The following PTPRD variants were observed in gnomAD, a reference collection of about 807,000 sequenced individuals.
PTPRD encodes protein tyrosine phosphatase receptor type D.
A neutral mutation model predicts 214.5 loss-of-function variants in PTPRD; 34 were observed. The observed-to-expected ratio is 0.16, with a 90% CI of 0.12 to 0.21. The LOEUF is 0.21. Ranked by LOEUF, PTPRD falls within the 10% of genes least tolerant of loss-of-function variation. The pLI, the probability that PTPRD is intolerant of heterozygous loss-of-function variation, is 1.00. For synonymous variants in PTPRD, 1,128 were observed against 845.7 expected (o/e 1.33, Z -5.79); for missense variants, 2,545 against 2,398.7 (o/e 1.06, Z -1.27).
At chr9:9,802,272 C>T (rs545925681) in intron 5 of PTPRD, among the ~76,000 whole-genome samples, 3 of 151,856 alleles carry the variant, frequency 2.0e-5, no homozygotes, top group African/African-American at 4.8e-5. Flanking sequence ...TGATAGGAAT[C>T]CTGTTGTTTC....
intron 10 of PTPRD, among the ~76,000 whole-genome samples, chr9:9,156,027 A>G (rs1283905249): frequency 1.3e-5 from 2 of 152,098 alleles, no homozygotes; most frequent in Non-Finnish European, 2.9e-5. Flanking sequence ...CCTACAAATC[A>G]ATGAGGGTTA....
chr9:8,537,631 T>A (rs1379358888), intron 14 of PTPRD, among the ~76,000 whole-genome samples: 1 of 151,974 alleles, frequency 6.6e-6, no homozygotes, highest in African/African-American at 2.4e-5. Flanking sequence ...AAATTGGACA[T>A]TGTTAAGCTA....
intron 11 of PTPRD, among the ~76,000 whole-genome samples, chr9:8,986,425 TTG>T (rs2099345443): frequency 6.6e-6 from 1 of 151,888 alleles, no homozygotes. Flanking sequence ...GTATAATTTT[TTG>T]TGTTTTAAAA....
chr9:8,884,825 G>A (rs917550876), intron 11 of PTPRD, among the ~76,000 whole-genome samples: 14 of 152,190 alleles, frequency 9.2e-5, no homozygotes, highest in African/African-American at 2.7e-4. Flanking sequence ...ACAAGTATCT[G>A]TGGAGGGCCC....
intron 3 of PTPRD, among the ~76,000 whole-genome samples, chr9:10,308,262 G>A (rs2096150761): frequency 6.6e-6 from 1 of 151,880 alleles, no homozygotes; most frequent in Admixed American, 6.6e-5. Context: ...ATAGCATCTG[G>A]CTTCATTATT....
chr9:9,464,288 C>G (rs1247669575), intron 8 of PTPRD, among the ~76,000 whole-genome samples: 1 of 152,128 alleles, frequency 6.6e-6, no homozygotes, highest in Non-Finnish European at 1.5e-5. Context: ...TTTTCTCCCT[C>G]TCACCCTCCC....
At chr9:9,365,904 G>T (rs1049016051) in intron 9 of PTPRD, among the ~76,000 whole-genome samples, 1 of 151,432 alleles carries the variant, frequency 6.6e-6, no homozygotes, top group Non-Finnish European at 1.5e-5. Flanking sequence ...TCATTCATTA[G>T]AATTGTGGTA....
chr9:8,654,438 T>G (rs568246747), intron 12 of PTPRD, among the ~76,000 whole-genome samples: 11 of 152,100 alleles, frequency 7.2e-5, no homozygotes, highest in Non-Finnish European at 1.6e-4. Context: ...GTTTATGGAG[T>G]AAACGACGAG....
intron 2 of PTPRD, among the ~76,000 whole-genome samples, chr9:10,593,118 T>C (rs2075875511): frequency 6.6e-6 from 1 of 151,928 alleles, no homozygotes; most frequent in South Asian, 2.1e-4. Context: ...TAGAATATAA[T>C]ACAATGTGGC....
rs139897387 is a variant in PTPRD at position 10,128,884 on chromosome 9, A to C, written c.-544-95094T>G. The stretch of plus-strand genomic sequence containing the variant: ...TATTAATTAATTAAAAATAAAAGCC[A>C]GACTCTTAATATAGTCTTATATATT... On this transcript the variant is annotated intron_variant, in intron 3 of 45. Coordinates refer to ENST00000381196, the MANE Select transcript of PTPRD (RefSeq NM_002839.4). Among the ~76,000 whole-genome samples the C allele has an allele frequency of 2.6e-3, 390 of 152,298 alleles. 2 individuals are homozygous for C. Among genetic ancestry groups the C allele is most frequent in the Non-Finnish European group, 4.4e-3 (302 of 68,016 alleles).
intron 8 of PTPRD, among the ~76,000 whole-genome samples, chr9:9,570,515 G>A (rs2086034705): frequency 6.6e-6 from 1 of 151,442 alleles, no homozygotes; most frequent in African/African-American, 2.4e-5. Flanking sequence ...AATAAATCCT[G>A]AAATATTTAT....
intron 35 of PTPRD, among the ~76,000 whole-genome samples, chr9:8,409,094 A>C (rs904242555): frequency 6.6e-6 from 1 of 152,212 alleles, no homozygotes; most frequent in South Asian, 2.1e-4. Context: ...TCAGAATTAA[A>C]ATATAAATAT....
intron 11 of PTPRD, among the ~76,000 whole-genome samples, chr9:8,782,094 A>G (rs2095730810): frequency 3.0e-5 from 1 of 33,470 alleles, no homozygotes; most frequent in Non-Finnish European, 7.2e-5. Flanking sequence ...TGTTTATGGT[A>G]TAAAACATAC....
chr9:10,314,055 G>C (rs2096350187), intron 3 of PTPRD, among the ~76,000 whole-genome samples: 2 of 151,906 alleles, frequency 1.3e-5, no homozygotes, highest in African/African-American at 2.4e-5. Context: ...GTGAGAGATA[G>C]TTTAAAATAA....
intron 2 of PTPRD, among the ~76,000 whole-genome samples, chr9:10,560,652 T>C (rs563997877): frequency 6.6e-6 from 1 of 152,148 alleles, no homozygotes; most frequent in African/African-American, 2.4e-5. Flanking sequence ...TCTACACACA[T>C]GCAAAACTCA....
rs374386272 is a variant in PTPRD at position 9,762,740 on chromosome 9, T to C, written c.-326+4070A>G. On this transcript the variant is annotated intron_variant, in intron 6 of 45. Coordinates refer to ENST00000381196, the MANE Select transcript of PTPRD (RefSeq NM_002839.4). ...TCTTTCATGCAACTCAGAACTCTTC[T>C]AGCCTTTATTATCAAGATGTGAAGA... Among the ~76,000 whole-genome samples, 441 of 152,346 alleles carry C rather than the reference T, an allele frequency of 2.9e-3. 2 individuals are homozygous for C. Among genetic ancestry groups the C allele is most frequent in the African/African-American group, 0.01 (418 of 41,590 alleles).
chr9:8,624,680 C>A (rs1182370558), intron 14 of PTPRD, among the ~76,000 whole-genome samples: 1 of 151,870 alleles, frequency 6.6e-6, no homozygotes, highest in Non-Finnish European at 1.5e-5. Flanking sequence ...TCACCCCCAA[C>A]CCTACAGATA....
intron 2 of PTPRD, among the ~76,000 whole-genome samples, chr9:10,586,801 T>TA (rs1186553762): frequency 1.5e-5 from 2 of 137,872 alleles, no homozygotes; most frequent in African/African-American, 5.3e-5. Flanking sequence ...TTTTTTTTTT[T>TA]ACCATGCTTC....
intron 2 of PTPRD, among the ~76,000 whole-genome samples, chr9:10,394,455 A>G (rs1333106120): frequency 6.6e-6 from 1 of 151,746 alleles, no homozygotes; most frequent in Non-Finnish European, 1.5e-5. Context: ...ATCACTTAGT[A>G]GCAGTATGAT....
Sources: allele counts gnomAD v4.1 joint callset (sites outside exome capture counted in the v4.1 genomes callset), GRCh38; gene constraint gnomAD v4.1.1; transcripts MANE v1.5; gene names NCBI Gene and HGNC (gene_info 2026-07-23, HGNC 2026-07-21).